The following PRKX variants were observed in gnomAD, a reference collection of about 807,000 sequenced individuals.
PRKX encodes cAMP-dependent protein kinase catalytic subunit PRKX.
PRKX carries 12 observed loss-of-function variants against 22.0 expected under a neutral mutation model. The ratio of observed to expected loss-of-function variants is 0.54; its 90% CI spans 0.35 to 0.88. The LOEUF (loss-of-function observed/expected upper bound fraction) is 0.88, where lower values mean the gene tolerates loss of function less well. PRKX is among the 40% of genes least tolerant of loss of function. The pLI is 0.01. For synonymous variants in PRKX, 134 were observed against 137.7 expected (o/e 0.97, Z 0.19); for missense variants, 217 against 308.0 (o/e 0.70, Z 2.21).
At chrX:3,639,713 G>A (rs1009762388) in intron 4 of PRKX, among the ~76,000 whole-genome samples, 1 of 110,969 alleles carries the variant, frequency 9.0e-6, no homozygotes, top group Non-Finnish European at 1.9e-5. Flanking sequence ...TCCTCCTGCG[G>A]CATCTCAGGC....
intron 7 of PRKX, among the ~76,000 whole-genome samples, chrX:3,615,057 C>T (rs915355481): frequency 1.1e-5 from 1 of 87,722 alleles, no homozygotes; most frequent in South Asian, 6.4e-4. Flanking sequence ...CTGGCTCTGT[C>T]GCCCAGGCTG....
chrX:3,678,181 A>G, intron 1 of PRKX, among the ~76,000 whole-genome samples: 1 of 112,312 alleles, frequency 8.9e-6, no homozygotes, highest in East Asian at 2.8e-4. Flanking sequence ...TGGGCAACAG[A>G]GTAACCTTTT....
chrX:3,617,089 T>C (rs781176985), intron 6 of PRKX, among the ~76,000 whole-genome samples: 2 of 110,539 alleles, frequency 1.8e-5, no homozygotes, highest in South Asian at 7.7e-4. Context: ...CACGTTAATA[T>C]ATACATACTT....
At chrX:3,701,973 C>T (rs1429097811) in intron 1 of PRKX, among the ~76,000 whole-genome samples, 1 of 112,134 alleles carries the variant, frequency 8.9e-6, no homozygotes, top group African/African-American at 3.2e-5. Context: ...CAGCAGCCCT[C>T]GAAGCCACTC....
At chrX:3,655,844 A>G (rs144645449) in intron 2 of PRKX, among the ~76,000 whole-genome samples, 1,988 of 112,339 alleles carry the variant, frequency 0.018, 20 homozygotes, top group Non-Finnish European at 0.028. Context: ...GGATATGGAT[A>G]AGTGTTGGAA....
Position 3,713,204 on chromosome X carries a change from C to A in PRKX, c.50G>T (p.Arg17Leu), listed in dbSNP as rs1424407546. ...AQAAAAESDS[R>L]KVAEETPDGA... ...GTCGGGGGTCTCCTCCGCCACCTTG[C>A]GGGAGTCGCTCTCCGCCGCGGCCGC... Residue 17 changes from arginine to leucine, a missense_variant, in exon 1 of 9, where the codon CGC (arginine) becomes CTC (leucine). Arg to Leu is a moderately radical substitution (Grantham distance 102). Coordinates refer to ENST00000262848, the MANE Select transcript of PRKX (RefSeq NM_005044.5). 1.5e-5 allele frequency: 16 copies of A among 1,087,680 alleles called. No homozygotes were observed. Among genetic ancestry groups the A allele is most frequent in the South Asian group, 2.3e-5 (1 of 43,305 alleles). The allele number at this position is 1,087,680 out of a possible 1,213,427, so 89.6% of individuals were successfully genotyped here.
At chrX:3,635,528 C>T (rs1926869807) in intron 4 of PRKX, among the ~76,000 whole-genome samples, 1 of 111,666 alleles carries the variant, frequency 9.0e-6, no homozygotes, top group African/African-American at 3.3e-5. Flanking sequence ...TTTCTCTTAC[C>T]CTGCACTCTG....
chrX:3,639,942 G>GCGCT (rs1415142139), intron 4 of PRKX, among the ~76,000 whole-genome samples: 1 of 111,333 alleles, frequency 9.0e-6, no homozygotes, highest in Non-Finnish European at 1.9e-5. Flanking sequence ...CCAGGAACAA[G>GCGCT]CGCTCGGTGC....
At chrX:3,671,687 T>C (rs1927849404) in intron 2 of PRKX, among the ~76,000 whole-genome samples, 1 of 111,362 alleles carries the variant, frequency 9.0e-6, no homozygotes, top group African/African-American at 3.3e-5. Flanking sequence ...GAAATTTCAC[T>C]CCTTAAAAGT....
chrX:3,612,157 TAC>T lies in PRKX; in HGVS notation c.*23+18_*23+19del. ...CGAGTCAGTCTCATTTTTTGGGAAT[TAC>T]TAAATATAAAGATATACCTTCCAGA... is the stretch of plus-strand genomic sequence containing the variant. On this transcript the variant is annotated intron_variant, in intron 8 of 8. Coordinates refer to ENST00000262848, the MANE Select transcript of PRKX (RefSeq NM_005044.5). 8.5e-7 allele frequency: 1 copy of T among 1,175,843 alleles called. No individual in the cohort carries two copies. The highest frequency in any genetic ancestry group is 1.1e-6 in the Non-Finnish European group (1 of 875,717).
chrX:3,710,749 C>G (rs766673362), intron 1 of PRKX, among the ~76,000 whole-genome samples: 3 of 111,906 alleles, frequency 2.7e-5, no homozygotes, highest in East Asian at 5.6e-4. Flanking sequence ...TGCCCACCCC[C>G]CAAAAAGTTC....
At chrX:3,665,811 A>G (rs1485632849) in intron 2 of PRKX, among the ~76,000 whole-genome samples, 1 of 109,978 alleles carries the variant, frequency 9.1e-6, no homozygotes, top group Admixed American at 9.8e-5. Context: ...AAATTCATAG[A>G]GCAGAGAGTA....
chrX:3,626,650 T>C, intron 4 of PRKX, 136 bp from the exon 5 acceptor site: 1 of 535,507 alleles, frequency 1.9e-6, no homozygotes, highest in Admixed American at 3.0e-5. Flanking sequence ...CACACTGAAG[T>C]TGTCACGATC....
intron 4 of PRKX, among the ~76,000 whole-genome samples, chrX:3,635,722 G>C (rs955895614): frequency 9.0e-6 from 1 of 111,416 alleles, no homozygotes; most frequent in Admixed American, 9.6e-5. Context: ...TGAGTAGCTG[G>C]GACTACAGGA....
At chrX:3,685,783 T>C (rs1281258097) in intron 1 of PRKX, among the ~76,000 whole-genome samples, 1 of 108,984 alleles carries the variant, frequency 9.2e-6, no homozygotes, top group Non-Finnish European at 1.9e-5. Context: ...CGGTGGCGCA[T>C]GTCTGTAATC....
intron 1 of PRKX, among the ~76,000 whole-genome samples, chrX:3,703,328 G>A (rs1478458202): frequency 3.6e-5 from 4 of 111,608 alleles, no homozygotes; most frequent in African/African-American, 1.3e-4. Flanking sequence ...CCTTGACCTG[G>A]CCACTGTATC....
chrX:3,707,672 AT>A (rs1023767749), intron 1 of PRKX, among the ~76,000 whole-genome samples: 5 of 111,010 alleles, frequency 4.5e-5, no homozygotes, highest in African/African-American at 1.3e-4. Flanking sequence ...AATTAAAAAA[AT>A]AAAATGAAAT....
At chrX:3,661,970 T>C (rs1223623262) in intron 2 of PRKX, among the ~76,000 whole-genome samples, 2 of 112,092 alleles carry the variant, frequency 1.8e-5, no homozygotes, top group Non-Finnish European at 3.8e-5. Flanking sequence ...CAGCAATCAA[T>C]GAATTCATCA....
chrX:3,686,862 A>ATT (rs1252155307), intron 1 of PRKX, among the ~76,000 whole-genome samples: 1 of 111,535 alleles, frequency 9.0e-6, no homozygotes, highest in Non-Finnish European at 1.9e-5. Flanking sequence ...GACCAAATCT[A>ATT]TTTTTTAATT....
Sources: gnomAD v4.1 joint callset for allele counts (sites outside exome capture counted in the v4.1 genomes callset) on GRCh38, gnomAD v4.1.1 for gene constraint, MANE v1.5 for transcripts, NCBI Gene and HGNC (gene_info 2026-07-23, HGNC 2026-07-21) for gene names.